The following UCHL3 variants were observed in gnomAD, a reference collection of about 807,000 sequenced individuals.
UCHL3 encodes ubiquitin carboxyl-terminal hydrolase isozyme L3.
In UCHL3, 22 loss-of-function variants were observed where a neutral mutation model predicts 35.8. That is an observed-to-expected ratio of 0.61 (90% CI 0.44 to 0.88). The LOEUF (loss-of-function observed/expected upper bound fraction) is 0.88, where lower values mean the gene tolerates loss of function less well. UCHL3 is among the 40% of genes least tolerant of loss of function. UCHL3 has a pLI of 0.00. For missense variants in UCHL3, 229 were observed against 276.9 expected, an observed-to-expected ratio of 0.83 and a Z score of 1.23; for synonymous variants, 90 against 92.8, an observed-to-expected ratio of 0.97 and a Z score of 0.17.
At chr13:75,576,622 G>C (rs1455581403) in intron 6 of UCHL3, among the ~76,000 whole-genome samples, 1 of 152,192 alleles carries the variant, frequency 6.6e-6, no homozygotes, top group Non-Finnish European at 1.5e-5. Context: ...CCAAAGTGTT[G>C]AGATTACAGT....
At chr13:75,601,552 A>G (rs1250883883) in intron 7 of UCHL3, among the ~76,000 whole-genome samples, 4 of 152,222 alleles carry the variant, frequency 2.6e-5, no homozygotes, top group African/African-American at 9.6e-5. Context: ...TTTTAGGAAT[A>G]AAGTGTTTTT....
At chr13:75,578,975 C>T (rs777593827) in intron 6 of UCHL3, among the ~76,000 whole-genome samples, 5 of 152,076 alleles carry the variant, frequency 3.3e-5, no homozygotes, top group Non-Finnish European at 7.4e-5. Flanking sequence ...TATAAAGTTT[C>T]ATCTTCATTA....
At position 75,581,198 on chromosome 13, in the gene UCHL3, T is replaced by C. The variant is rs929379285; in HGVS notation, c.474+11691T>C. ...CCTTCATGTTCAAGAAATTACATGG[T>C]TATAAGGATATTTTTCATAATAATA... On this transcript the variant is annotated intron_variant, in intron 6 of 8. Coordinates refer to ENST00000377595, the MANE Select transcript of UCHL3 (RefSeq NM_006002.5). Among the ~76,000 whole-genome samples the C allele has an allele frequency of 1.3e-5, 2 of 150,200 alleles. 1 individual carries two copies. Among genetic ancestry groups the C allele is most frequent in the Admixed American group, 1.3e-4 (2 of 14,986 alleles).
chr13:75,597,371 TAAAA>T (rs71826804), intron 7 of UCHL3, among the ~76,000 whole-genome samples: 22,211 of 148,670 alleles, frequency 0.15, 1,756 homozygotes, highest in Middle Eastern at 0.3. Context: ...CGTCATCTCT[TAAAA>T]AAAAAAGAAA....
At chr13:75,594,829 G>A in intron 6 of UCHL3, 86 bp from the exon 7 acceptor site, 1 of 923,258 alleles carries the variant, frequency 1.1e-6, no homozygotes, top group East Asian at 2.7e-5. Context: ...TATATAATTT[G>A]ATGTTATTTG....
In UCHL3 at chr13:75,567,274, A is replaced by C. The variant is rs2031714780; in HGVS notation, c.388A>C (p.Ser130Arg). Residue 130 changes from serine to arginine, a missense_variant, in exon 5 of 9, where the codon AGC becomes CGC. By Grantham distance (110) the Ser-to-Arg change is moderately radical. Coordinates refer to ENST00000377595, the MANE Select transcript of UCHL3 (RefSeq NM_006002.5). ...KKFLEESVSM[S>R]PEERARYLEN... ...ATTCCTGGAGGAATCTGTGTCAATG[A>C]GCCCTGAAGAACGAGCCAGATACCT... 4.3e-6 allele frequency: 7 copies of C among 1,614,154 alleles called. No homozygotes were observed. Among genetic ancestry groups the C allele is most frequent in the Non-Finnish European group, 5.9e-6 (7 of 1,180,018 alleles).
intron 6 of UCHL3, among the ~76,000 whole-genome samples, chr13:75,581,392 C>T (rs1284025354): frequency 6.7e-6 from 1 of 149,136 alleles, no homozygotes. Context: ...TTCTGTTGCT[C>T]AGGCGGCAGT....
chr13:75,574,110 C>T (rs1019645429), intron 6 of UCHL3, among the ~76,000 whole-genome samples: 1 of 151,786 alleles, frequency 6.6e-6, no homozygotes, highest in South Asian at 2.1e-4. Context: ...CCCAGCTACT[C>T]GGGAGGCTGA....
chr13:75,587,865 A>T (rs1311619159), intron 6 of UCHL3, among the ~76,000 whole-genome samples: 1 of 152,116 alleles, frequency 6.6e-6, no homozygotes, highest in Non-Finnish European at 1.5e-5. Flanking sequence ...CTGTTTGCTT[A>T]CTGCTTGCTG....
At chr13:75,581,694 ATTT>A (rs35365245) in intron 6 of UCHL3, among the ~76,000 whole-genome samples, 5 of 139,148 alleles carry the variant, frequency 3.6e-5, no homozygotes, top group Non-Finnish European at 3.1e-5. Context: ...GCTTTGTTTG[ATTT>A]TTTTTTTTTT....
chr13:75,596,992 G>C (rs2032661246), intron 7 of UCHL3, among the ~76,000 whole-genome samples: 1 of 152,152 alleles, frequency 6.6e-6, no homozygotes, highest in Admixed American at 6.5e-5. Context: ...CTGGAAATTA[G>C]ATTTTTTAAA....
intron 2 of UCHL3, among the ~76,000 whole-genome samples, chr13:75,560,273 T>C (rs1247593957): frequency 6.6e-6 from 1 of 152,146 alleles, no homozygotes; most frequent in Non-Finnish European, 1.5e-5. Flanking sequence ...CTTAAATGCC[T>C]CTCCTTAAAA....
chr13:75,579,268 C>A (rs17064713), intron 6 of UCHL3, among the ~76,000 whole-genome samples: 7,712 of 152,104 alleles, frequency 0.051, 657 homozygotes, highest in African/African-American at 0.17. Flanking sequence ...GGAAACAATA[C>A]ATGTATCATG....
In UCHL3 at chr13:75,604,948, A is replaced by T. The variant is rs185671169; in HGVS notation, c.609+121A>T. 19 of 804,012 alleles carry T rather than the reference A, an allele frequency of 2.4e-5. 1 individual carries two copies. In the Admixed American group the frequency reaches 6.7e-4, roughly 28 times the overall value. The allele number at this position is 804,012 out of a possible 1,614,324, so 49.8% of individuals were successfully genotyped here. On this transcript the variant is annotated intron_variant, in intron 8 of 8. Transcript: ENST00000377595. ...ATACTTCTTTATCCTTGTTCTCTCT[A>T]GAAAATCCAAAAAGAAAATTTATAT...
rs780057533 is a variant in UCHL3 at position 75,549,996 on chromosome 13, G to A, written c.54+9G>A. Reference sequence around the variant, plus strand: ...TTCAGGTCACCAACCAGGTGAGTGAGGTGTCTGTCGCTCGGGACCTCGGAG... The same window carrying A: ...TTCAGGTCACCAACCAGGTGAGTGAAGTGTCTGTCGCTCGGGACCTCGGAG... On this transcript the variant is annotated intron_variant, in intron 2 of 8. Coordinates refer to ENST00000377595, the MANE Select transcript of UCHL3 (RefSeq NM_006002.5). 2.5e-6 allele frequency: 4 copies of A among 1,614,252 alleles called. No homozygotes were observed. The highest frequency in any genetic ancestry group is 3.4e-6 in the Non-Finnish European group (4 of 1,180,038).
In UCHL3 at chr13:75,569,484, A is replaced by G; in HGVS notation, c.451A>G (p.Ser151Gly). 1.2e-6 allele frequency: 2 copies of G among 1,610,808 alleles called. No homozygotes were observed. The highest frequency in any genetic ancestry group is 1.3e-5 in the African/African-American group (1 of 74,928). The change falls in exon 6 of 9, where the codon AGT becomes GGT. Residue 151 changes from serine (S) to glycine (G), a missense_variant. Physicochemically the swap from Ser to Gly is moderately conservative, Grantham distance 56. Coordinates refer to ENST00000377595, the MANE Select transcript of UCHL3 (RefSeq NM_006002.5). Reference protein sequence around the residue: ...YDAIRVTHETSAHEGQTEAPS... With the variant: ...YDAIRVTHETGAHEGQTEAPS... ...GGCCATCCGAGTTACTCATGAGACC[A>G]GTGCCCATGAAGGTCAGACTGAGGT...
chr13:75,581,805 G>C (rs2032195618), intron 6 of UCHL3, among the ~76,000 whole-genome samples: 1 of 150,642 alleles, frequency 6.6e-6, no homozygotes, highest in African/African-American at 2.4e-5. Context: ...ATTTTTTGCT[G>C]TATAAAAAAG....
At chr13:75,602,189 C>T (rs1485139749) in intron 7 of UCHL3, among the ~76,000 whole-genome samples, 1 of 152,108 alleles carries the variant, frequency 6.6e-6, no homozygotes, top group Non-Finnish European at 1.5e-5. Flanking sequence ...GTTTTTTAAG[C>T]TCCATCATTC....
chr13:75,592,451 T>TAC (rs1566228164), intron 6 of UCHL3, among the ~76,000 whole-genome samples: 15 of 81,584 alleles, frequency 1.8e-4, no homozygotes, highest in Non-Finnish European at 3.4e-4. Context: ...TATATATATA[T>TAC]ATATATATAT....
Sources: gnomAD v4.1 joint callset for allele counts (sites outside exome capture counted in the v4.1 genomes callset) on GRCh38, gnomAD v4.1.1 for gene constraint, MANE v1.5 for transcripts, NCBI Gene and HGNC (gene_info 2026-07-23, HGNC 2026-07-21) for gene names.